Variants in RBMS2 observed in about 807,000 individuals in gnomAD.
The protein encoded by RBMS2 is RNA binding motif single stranded interacting protein 2.
Under a neutral mutation model 58.4 loss-of-function variants are expected in RBMS2, and 38 were observed. That is an observed-to-expected ratio of 0.65 (90% CI 0.50 to 0.85). RBMS2 has a LOEUF of 0.85. RBMS2 is among the 40% of genes least tolerant of loss of function. The probability of loss-of-function intolerance (pLI) is 0.00; values close to 1 mark genes in which losing one functional copy is unlikely to be tolerated. For missense variants in RBMS2, 367 were observed against 503.7 expected, an observed-to-expected ratio of 0.73 and a Z score of 2.60; for synonymous variants, 151 against 180.7, an observed-to-expected ratio of 0.84 and a Z score of 1.32.
intron 1 of RBMS2, 113 bp from the exon 2 acceptor site, chr12:56,562,304 C>T: frequency 9.7e-7 from 1 of 1,025,672 alleles, no homozygotes; most frequent in African/African-American, 1.6e-5. Context: ...AGTGAGTGCA[C>T]ATTTGTGATT....
At chr12:56,541,363 G>A (rs1876060028) in intron 1 of RBMS2, among the ~76,000 whole-genome samples, 1 of 152,044 alleles carries the variant, frequency 6.6e-6, no homozygotes, top group Non-Finnish European at 1.5e-5. Flanking sequence ...AACTCAAATT[G>A]AATTACTATT....
intron 1 of RBMS2, among the ~76,000 whole-genome samples, chr12:56,530,054 G>A (rs1208084179): frequency 6.6e-6 from 1 of 151,834 alleles, no homozygotes; most frequent in Non-Finnish European, 1.5e-5. Context: ...GGATTACAGC[G>A]CCACATGCCC....
intron 5 of RBMS2, among the ~76,000 whole-genome samples, chr12:56,572,137 A>C (rs1201734473): frequency 6.6e-6 from 1 of 151,734 alleles, no homozygotes; most frequent in Non-Finnish European, 1.5e-5. Context: ...AAAAATACAA[A>C]AATTAGCCAG....
intron 4 of RBMS2, 64 bp downstream of exon 4, chr12:56,570,054 C>A (rs1480310439): frequency 6.9e-7 from 1 of 1,458,438 alleles, no homozygotes; most frequent in South Asian, 1.1e-5. Flanking sequence ...AGTTCCAGTT[C>A]TAAGGTTTCC....
Position 56,591,267 on chromosome 12 carries a change from T to G in RBMS2, c.*2134T>G, listed in dbSNP as rs1885286227. 6.6e-6 allele frequency: 1 copy of G among 152,088 alleles called. No individual in the cohort carries two copies. Among genetic ancestry groups the G allele is most frequent in the Non-Finnish European group, 1.5e-5 (1 of 68,026 alleles). The allele number at this position is 152,088 out of a possible 1,614,324, so 9.4% of individuals were successfully genotyped here. ...GGGGTGACAGCAGGGGAAAAGAAACTGTAGTATCAGTTGTCACAAGTAGAG... is the reference window on the plus strand; with the variant it reads ...GGGGTGACAGCAGGGGAAAAGAAACGGTAGTATCAGTTGTCACAAGTAGAG... On this transcript the variant is annotated 3_prime_UTR_variant, in exon 14 of 14. Coordinates refer to ENST00000262031, the MANE Select transcript of RBMS2 (RefSeq NM_002898.4).
At chr12:56,581,729 C>T in intron 7 of RBMS2, 104 bp from the exon 8 acceptor site, 1 of 1,396,320 alleles carries the variant, frequency 7.2e-7, no homozygotes, top group South Asian at 1.2e-5. Flanking sequence ...CTTGTCTAGG[C>T]TTTAATTTGT....
intron 1 of RBMS2, among the ~76,000 whole-genome samples, chr12:56,556,304 G>A (rs1879221579): frequency 6.6e-6 from 1 of 151,292 alleles, no homozygotes; most frequent in Non-Finnish European, 1.5e-5. Flanking sequence ...GGGATCATAT[G>A]ATCTAAAGTA....
chr12:56,586,843 T>C lies in RBMS2; in HGVS notation c.874-6T>C, dbSNP rs780387282. The C allele has an allele frequency of 6.2e-7, 1 of 1,611,628 alleles. No individual in the cohort carries two copies. On this transcript the variant is annotated splice_region_variant and splice_polypyrimidine_tract_variant and intron_variant, in intron 9 of 13. Transcript: ENST00000262031. ...CAATTAACATTTTTGTTTTTGCTTG[T>C]TTTAGAGAGTGACTCAGACATCTCC...
intron 7 of RBMS2, 69 bp downstream of exon 7, chr12:56,581,577 A>T: frequency 6.8e-7 from 1 of 1,479,308 alleles, no homozygotes; most frequent in Middle Eastern, 1.7e-4. Context: ...TCATGGCATG[A>T]TTTCTGTGAG....
chr12:56,530,402 C>A, intron 1 of RBMS2, among the ~76,000 whole-genome samples: 1 of 135,632 alleles, frequency 7.4e-6, no homozygotes. Flanking sequence ...GCTCTGTTGC[C>A]CAGGCTGGAA....
rs376444946 is a variant in RBMS2, at chr12:56,572,064, A to T, written c.542+209A>T. Among the ~76,000 whole-genome samples the T allele has an allele frequency of 5.9e-5, 9 of 152,156 alleles. No homozygotes were observed. The East Asian group carries it at 9.7e-4, about 16-fold the overall frequency. Reference sequence around the variant, plus strand: ...AGCACTTTAGGAGGCCAAGGCAGGCATATCACCTGAGGTCAGGAGTTTGAG... The same window carrying T: ...AGCACTTTAGGAGGCCAAGGCAGGCTTATCACCTGAGGTCAGGAGTTTGAG... On this transcript the variant is annotated intron_variant, in intron 5 of 13. Transcript: ENST00000262031.
In RBMS2 at chr12:56,589,313, C is replaced by T; in HGVS notation, c.*180C>T. Reference sequence around the variant, plus strand: ...GGAAAAAGAAATCTCTACGTTCCTGCCCTTTACTATTGCTGATGGAGCCTG... The same window carrying T: ...GGAAAAAGAAATCTCTACGTTCCTGTCCTTTACTATTGCTGATGGAGCCTG... On this transcript the variant is annotated 3_prime_UTR_variant, in exon 14 of 14. Transcript: ENST00000262031. 7.5e-7 allele frequency: 1 copy of T among 1,332,796 alleles called. No homozygotes were observed. Among genetic ancestry groups the T allele is most frequent in the Non-Finnish European group, 9.8e-7 (1 of 1,024,330 alleles). The allele number at this position is 1,332,796 out of a possible 1,614,324, so 82.6% of individuals were successfully genotyped here. A position where few individuals can be genotyped will look rare whatever the true frequency, so the allele number is the denominator to read the frequency against.
At chr12:56,585,119 G>A (rs760982796) in intron 9 of RBMS2, among the ~76,000 whole-genome samples, 3 of 152,032 alleles carry the variant, frequency 2.0e-5, no homozygotes, top group Non-Finnish European at 2.9e-5. Flanking sequence ...CACTGCGCCC[G>A]GCTAAATTTC....
rs746458217 is a variant in RBMS2, at chr12:56,581,404, T to A, written c.628T>A (p.Ser210Thr). The A allele has an allele frequency of 1.2e-6, 2 of 1,614,106 alleles. No homozygotes were observed. The highest frequency in any genetic ancestry group is 1.7e-5 in the Admixed American group (1 of 60,012). The stretch of plus-strand genomic sequence containing the variant: ...TCTGCCTTCTCTCTCGGCAGCCCCA[T>A]CCGATCCCTTGCTTTGCAAATTTGC... ...IKTPPGVPAP[S>T]DPLLCKFADG... Residue 210 changes from serine to threonine, a missense_variant, in exon 7 of 14, where the codon TCC (serine) becomes ACC (threonine). Ser to Thr is a moderately conservative substitution (Grantham distance 58, BLOSUM62 1). Around this residue, in one of 3 missense-constraint regions of RBMS2, gnomAD observed 220 missense variants for 261.1 expected, o/e 0.84. Transcript: ENST00000262031.
intron 1 of RBMS2, among the ~76,000 whole-genome samples, chr12:56,540,079 T>A (rs1875793043): frequency 1.3e-5 from 2 of 152,178 alleles, no homozygotes; most frequent in Non-Finnish European, 2.9e-5. Flanking sequence ...TGTCTTTTTT[T>A]TGGTAGCCCA....
intron 1 of RBMS2, among the ~76,000 whole-genome samples, chr12:56,558,472 A>C (rs926430530): frequency 6.6e-6 from 1 of 150,836 alleles, no homozygotes; most frequent in Non-Finnish European, 1.5e-5. Flanking sequence ...CAACTGAGGC[A>C]GGTGGTCTCT....
In RBMS2 at chr12:56,587,027, A is replaced by T. The variant is rs1292910275; in HGVS notation, c.951+101A>T. On this transcript the variant is annotated intron_variant, in intron 10 of 13. Coordinates refer to ENST00000262031, the MANE Select transcript of RBMS2 (RefSeq NM_002898.4). ...ACGCCTGTAATCCCAGCACTTTGGG[A>T]GGCCAAGGCAGGCAAATCACCTGAG... The T allele has an allele frequency of 3.4e-6, 4 of 1,169,164 alleles. No homozygotes were observed. In the African/African-American group the frequency reaches 6.1e-5, roughly 18 times the overall value. 72.4% of individuals were successfully genotyped at this position (1,169,164 alleles called of 1,614,324 possible). A position where few individuals can be genotyped will look rare whatever the true frequency, so the allele number is the denominator to read the frequency against.
chr12:56,592,664 C>G lies in RBMS2; in HGVS notation c.*3531C>G, dbSNP rs1885385831. 6.6e-6 allele frequency: 1 copy of G among 152,274 alleles called. No homozygotes were observed. Among genetic ancestry groups the G allele is most frequent in the Non-Finnish European group, 1.5e-5 (1 of 68,110 alleles). The allele number at this position is 152,274 out of a possible 1,614,324, so 9.4% of individuals were successfully genotyped here. On this transcript the variant is annotated 3_prime_UTR_variant, in exon 14 of 14. Transcript: ENST00000262031. ...TAGCTGGGATTACAGGCACCCACCA[C>G]CATGCCCGGCTAATTTTTTTATTTT... is the stretch of plus-strand genomic sequence containing the variant.
At position 56,589,128 on chromosome 12, in the gene RBMS2, T is replaced by G; in HGVS notation, c.*7-12T>G. ...TTTGTCTTGTCTCCTCTCTGGCTTG[T>G]GCCTTCTTTAGGATTCCCCTCCCCA... On this transcript the variant is annotated splice_polypyrimidine_tract_variant and intron_variant, in intron 13 of 13. Coordinates refer to ENST00000262031, the MANE Select transcript of RBMS2 (RefSeq NM_002898.4). The G allele has an allele frequency of 6.4e-7, 1 of 1,572,084 alleles. No individual in the cohort carries two copies.
Sources: gnomAD v4.1 joint callset for allele counts (sites outside exome capture counted in the v4.1 genomes callset) on GRCh38, gnomAD v4.1.1 for gene constraint, gnomAD v4.1.1 regional missense constraint, MANE v1.5 for transcripts, NCBI Gene and HGNC (gene_info 2026-07-23, HGNC 2026-07-21) for gene names.